The following PDIK1L variants were observed in gnomAD, a reference collection of about 807,000 sequenced individuals.
PDIK1L encodes PDLIM1 interacting kinase 1 like.
Under a neutral mutation model 27.1 loss-of-function variants are expected in PDIK1L, and 9 were observed. The observed-to-expected ratio is 0.33, with a 90% CI of 0.20 to 0.58. PDIK1L has a LOEUF of 0.58. Among genes scored for constraint, PDIK1L ranks in the 20% least tolerant of loss-of-function variants. The pLI, the probability that PDIK1L is intolerant of heterozygous loss-of-function variation, is 0.86. For missense variants in PDIK1L, 216 were observed against 413.2 expected, an observed-to-expected ratio of 0.52 and a Z score of 4.14; for synonymous variants, 130 against 141.7, an observed-to-expected ratio of 0.92 and a Z score of 0.59.
chr1:26,122,545 A>G lies in PDIK1L; in HGVS notation c.994A>G (p.Ile332Val). 6.2e-7 allele frequency: 1 copy of G among 1,608,460 alleles called. No homozygotes were observed. Among genetic ancestry groups the G allele is most frequent in the Non-Finnish European group, 8.5e-7 (1 of 1,176,936 alleles). The change falls in exon 3 of 3, where the codon ATT becomes GTT. Residue 332 changes from isoleucine (I) to valine (V), a missense_variant. Coordinates refer to ENST00000374269, the MANE Select transcript of PDIK1L (RefSeq NM_152835.5). This position sits in a 1 kb window ranked among gnomAD's most constrained non-coding sequence, Gnocchi z 5.4. ...AFELELRLVQ[I>V]AFKDSSWET Reference sequence around the variant, plus strand: ...TGAACTAGAACTCAGATTAGTACAAATTGCATTTAAAGATAGCAGCTGGGA... The same window carrying G: ...TGAACTAGAACTCAGATTAGTACAAGTTGCATTTAAAGATAGCAGCTGGGA...
chr1:26,120,224 C>T (rs1303535658), intron 2 of PDIK1L, among the ~76,000 whole-genome samples: 1 of 152,122 alleles, frequency 6.6e-6, no homozygotes, highest in Non-Finnish European at 1.5e-5. Flanking sequence ...GGCTGTCAAG[C>T]CCGAAATATT....
chr1:26,114,247 G>A lies in PDIK1L; in HGVS notation c.-17-45G>A. ...CATACATAAGAAGAAATACAAGCCAGTAGGTATACATAATTTCAACAGAGC... is the reference window on the plus strand; with the variant it reads ...CATACATAAGAAGAAATACAAGCCAATAGGTATACATAATTTCAACAGAGC... On this transcript the variant is annotated intron_variant, in intron 1 of 2. Coordinates refer to ENST00000374269, the MANE Select transcript of PDIK1L (RefSeq NM_152835.5). The surrounding 1 kb of genome is among the most constrained non-coding windows in gnomAD (Gnocchi z 4.8). 1 of 1,509,628 alleles carries A rather than the reference G, an allele frequency of 6.6e-7. No homozygotes were observed. Among genetic ancestry groups the A allele is most frequent in the Non-Finnish European group, 9.0e-7 (1 of 1,115,126 alleles). 93.5% of individuals were successfully genotyped at this position (1,509,628 alleles called of 1,614,324 possible).
chr1:26,111,465 GGC>G (rs2087791644), upstream of PDIK1L: 1 of 151,590 alleles, frequency 6.6e-6, no homozygotes, highest in African/African-American at 2.4e-5. The surrounding 1 kb of genome is among the most constrained non-coding windows in gnomAD (Gnocchi z 4.0). Flanking sequence ...GCCGCGGCCG[GGC>G]GCGCGCAGCC....
Position 26,114,562 on chromosome 1 carries a change from C to T in PDIK1L, c.254C>T (p.Ser85Phe), listed in dbSNP as rs2087849498. 3 of 1,614,006 alleles carry T rather than the reference C, an allele frequency of 1.9e-6. No individual in the cohort carries two copies. The highest frequency in any genetic ancestry group is 1.7e-6 in the Non-Finnish European group (2 of 1,179,924). ...LQKDGMVQKM[S>F]HGSNSSLYLQ... is the part of the protein sequence containing the mutation. The stretch of plus-strand genomic sequence containing the variant: ...AAGGATGGGATGGTGCAAAAGATGT[C>T]CCACGGCTCTAATTCTTCCCTTTAT... Residue 85 changes from serine to phenylalanine, a missense_variant, in exon 2 of 3, where the codon TCC becomes TTC. Physicochemically the swap from Ser to Phe is radical, Grantham distance 155 (BLOSUM62 -2). Coordinates refer to ENST00000374269, the MANE Select transcript of PDIK1L (RefSeq NM_152835.5). The surrounding 1 kb of genome is among the most constrained non-coding windows in gnomAD (Gnocchi z 4.8).
At position 26,119,424 on chromosome 1, in the gene PDIK1L, T is replaced by TCA. The variant is rs1219940988; in HGVS notation, c.286-2400_286-2399dup. On this transcript the variant is annotated intron_variant, in intron 2 of 2. Coordinates refer to ENST00000374269, the MANE Select transcript of PDIK1L (RefSeq NM_152835.5). ...CCTTGTCTCTCTCTCTCTCTCTCTC[T>TCA]CACACACACACACAAAATATATATA... 4.0e-3 allele frequency among the ~76,000 whole-genome samples: 595 copies of TCA among 149,764 alleles called. 3 individuals are homozygous for TCA. The highest frequency in any genetic ancestry group is 0.013 in the African/African-American group (535 of 40,478).
intron 1 of PDIK1L, among the ~76,000 whole-genome samples, chr1:26,113,285 C>T (rs1469604730): frequency 6.6e-6 from 1 of 151,852 alleles, no homozygotes; most frequent in Non-Finnish European, 1.5e-5. Flanking sequence ...GTCAGGTGAT[C>T]GAGACCATCC....
intron 1 of PDIK1L, among the ~76,000 whole-genome samples, chr1:26,113,986 C>A (rs2087841322): frequency 6.6e-6 from 1 of 152,196 alleles, no homozygotes; most frequent in African/African-American, 2.4e-5. Flanking sequence ...TTAGGCGTTT[C>A]ATTTAACCTC....
In PDIK1L at chr1:26,119,440, A is replaced by T. The variant is rs554728119; in HGVS notation, c.286-2397A>T. 3.0e-4 allele frequency among the ~76,000 whole-genome samples: 45 copies of T among 151,996 alleles called. No homozygotes were observed. The Middle Eastern group carries it at 0.01, about 34-fold the overall frequency. On this transcript the variant is annotated intron_variant, in intron 2 of 2. Coordinates refer to ENST00000374269, the MANE Select transcript of PDIK1L (RefSeq NM_152835.5). ...CTCTCTCTCTCACACACACACACAA[A>T]ATATATATATAATTGTCTAAAACTT...
At position 26,114,143 on chromosome 1, in the gene PDIK1L, A is replaced by T; in HGVS notation, c.-17-149A>T. 1.4e-6 allele frequency: 1 copy of T among 735,854 alleles called. No individual in the cohort carries two copies. The highest frequency in any genetic ancestry group is 2.2e-6 in the Non-Finnish European group (1 of 460,536). 45.6% of individuals were successfully genotyped at this position (735,854 alleles called of 1,614,324 possible). ...ACTACCTGTTAGCTTTATTGTTACTATTCTTAAAATTAGATTTCCCCTAGG... is the reference window on the plus strand; with the variant it reads ...ACTACCTGTTAGCTTTATTGTTACTTTTCTTAAAATTAGATTTCCCCTAGG... On this transcript the variant is annotated intron_variant, in intron 1 of 2. Coordinates refer to ENST00000374269, the MANE Select transcript of PDIK1L (RefSeq NM_152835.5). This position sits in a 1 kb window ranked among gnomAD's most constrained non-coding sequence, Gnocchi z 4.8.
In PDIK1L at chr1:26,122,588, T is replaced by A; in HGVS notation, c.*11T>A. 2 of 1,592,276 alleles carry A rather than the reference T, an allele frequency of 1.3e-6. No homozygotes were observed. Among genetic ancestry groups the A allele is most frequent in the South Asian group, 2.3e-5 (2 of 88,304 alleles). ...AGCTGGGAAACGTGACACATATTAT[T>A]TGCAAATACCATGGATGATATGCTG... On this transcript the variant is annotated 3_prime_UTR_variant, in exon 3 of 3. Transcript: ENST00000374269. The surrounding 1 kb of genome is among the most constrained non-coding windows in gnomAD (Gnocchi z 5.4).
At chr1:26,120,672 G>A (rs181768152) in intron 2 of PDIK1L, among the ~76,000 whole-genome samples, 1 of 152,276 alleles carries the variant, frequency 6.6e-6, no homozygotes, top group Admixed American at 6.5e-5. Flanking sequence ...CAATATACGG[G>A]GCCGGGTGCC....
At chr1:26,116,842 A>C (rs1293228687) in intron 2 of PDIK1L, among the ~76,000 whole-genome samples, 3 of 150,978 alleles carry the variant, frequency 2.0e-5, no homozygotes, top group African/African-American at 7.3e-5. Flanking sequence ...CAGCCTCCCG[A>C]GTAGCTGGGA....
In PDIK1L at chr1:26,114,875, G is replaced by C. The variant is rs1051484206; in HGVS notation, c.285+282G>C. On this transcript the variant is annotated intron_variant, in intron 2 of 2. Coordinates refer to ENST00000374269, the MANE Select transcript of PDIK1L (RefSeq NM_152835.5). The surrounding 1 kb of genome is among the most constrained non-coding windows in gnomAD (Gnocchi z 4.8). The stretch of plus-strand genomic sequence containing the variant: ...AGATAGGAACTAGAGAGGTGCTTGA[G>C]ACTACAGTCTAATAACTTCATTTCT... 1.3e-5 allele frequency among the ~76,000 whole-genome samples: 2 copies of C among 152,204 alleles called. No homozygotes were observed. The highest frequency in any genetic ancestry group is 4.8e-5 in the African/African-American group (2 of 41,450).
At chr1:26,115,718 C>T (rs750348548) in intron 2 of PDIK1L, among the ~76,000 whole-genome samples, 1 of 151,748 alleles carries the variant, frequency 6.6e-6, no homozygotes, top group Non-Finnish European at 1.5e-5. Flanking sequence ...AGGAGAATGG[C>T]GTGAACCGGG....
chr1:26,121,709 TAAATA>T (rs2087991542), intron 2 of PDIK1L, 123 bp from the exon 3 acceptor site: 5 of 997,900 alleles, frequency 5.0e-6, no homozygotes, highest in Non-Finnish European at 4.2e-6. Flanking sequence ...AAGCACTGAT[TAAATA>T]AAATATTTAT....
chr1:26,119,896 G>C (rs1259363919), intron 2 of PDIK1L, among the ~76,000 whole-genome samples: 1 of 152,182 alleles, frequency 6.6e-6, no homozygotes, highest in Non-Finnish European at 1.5e-5. Flanking sequence ...GAGATTGTGA[G>C]AGTTGTTTTA....
intron 2 of PDIK1L, among the ~76,000 whole-genome samples, chr1:26,119,511 G>C (rs1285050028): frequency 6.6e-6 from 1 of 152,004 alleles, no homozygotes; most frequent in African/African-American, 2.4e-5. Context: ...AAATTTCCTA[G>C]GCAGAAAAAA....
chr1:26,119,686 C>G (rs903569774), intron 2 of PDIK1L, among the ~76,000 whole-genome samples: 2 of 151,898 alleles, frequency 1.3e-5, no homozygotes, highest in East Asian at 3.9e-4. Flanking sequence ...TGGTGAAACC[C>G]TGTCTCTACA....
chr1:26,121,004 T>C lies in PDIK1L; in HGVS notation c.286-833T>C, dbSNP rs114986040. Among the ~76,000 whole-genome samples the C allele has an allele frequency of 7.7e-3, 1,159 of 151,176 alleles. 22 individuals are homozygous for C. Among genetic ancestry groups the C allele is most frequent in the African/African-American group, 0.027 (1,121 of 41,214 alleles). On this transcript the variant is annotated intron_variant, in intron 2 of 2. Coordinates refer to ENST00000374269, the MANE Select transcript of PDIK1L (RefSeq NM_152835.5). ...CTGTATTTTAGAGTGATAGTTCATG[T>C]CCAGTGAAGTAATTCTATTGAATTT...
Sources: gnomAD v4.1 joint callset for allele counts (sites outside exome capture counted in the v4.1 genomes callset) on GRCh38, gnomAD v4.1.1 for gene constraint, Gnocchi (gnomAD v3.1) non-coding constraint, MANE v1.5 for transcripts, NCBI Gene and HGNC (gene_info 2026-07-23, HGNC 2026-07-21) for gene names.